ZC2HC1B: variants seen among roughly 807,000 people sequenced by gnomAD.
The protein encoded by ZC2HC1B is zinc finger C2HC-type containing 1B, also known as zinc finger C2HC domain-containing protein 1B.
In ZC2HC1B, 36 loss-of-function variants were observed where a neutral mutation model predicts 31.0. The observed-to-expected ratio is 1.16, with a 90% CI of 0.89 to 1.54. ZC2HC1B has a LOEUF of 1.54. Among genes scored for constraint, ZC2HC1B ranks in the 40% most tolerant of loss-of-function variants. The pLI, the probability that ZC2HC1B is intolerant of heterozygous loss-of-function variation, is 0.00. For missense variants in ZC2HC1B, 260 were observed against 268.6 expected (o/e 0.97, Z 0.22); for synonymous variants, 73 against 88.0 (o/e 0.83, Z 0.95).
intron 6 of ZC2HC1B, among the ~76,000 whole-genome samples, chr6:143,931,327 G>T (rs1445948029): frequency 6.6e-6 from 1 of 152,052 alleles, no homozygotes; most frequent in Non-Finnish European, 1.5e-5. Flanking sequence ...GAGATGTCAG[G>T]TACTGTTTTA....
intron 6 of ZC2HC1B, among the ~76,000 whole-genome samples, chr6:143,919,106 C>A (rs899257083): frequency 1.3e-5 from 2 of 151,460 alleles, no homozygotes; most frequent in Non-Finnish European, 2.9e-5. Context: ...CTATACTTTT[C>A]TTTTTCTTTG....
At chr6:143,906,588 C>A (rs1286325173) in intron 6 of ZC2HC1B, among the ~76,000 whole-genome samples, 5 of 151,982 alleles carry the variant, frequency 3.3e-5, no homozygotes, top group African/African-American at 9.7e-5. Context: ...GAACCACAGG[C>A]ACACACCACC....
intron 6 of ZC2HC1B, among the ~76,000 whole-genome samples, chr6:143,936,022 G>A (rs1778174314): frequency 6.6e-6 from 1 of 152,060 alleles, no homozygotes. Flanking sequence ...CTAGATAGCA[G>A]TTAGCCTCCT....
chr6:143,908,831 G>C lies in ZC2HC1B; in HGVS notation c.598+5679G>C, dbSNP rs1471196718. 6.6e-6 allele frequency among the ~76,000 whole-genome samples: 1 copy of C among 152,162 alleles called. No individual in the cohort carries two copies. Among genetic ancestry groups the C allele is most frequent in the African/African-American group, 2.4e-5 (1 of 41,436 alleles). ...GTACTATGTTCAATAGGAGTGGTGA[G>C]AGAGGGCCTCTTTGTCTTGTGCCAG... is the stretch of plus-strand genomic sequence containing the variant. On this transcript the variant is annotated intron_variant, in intron 6 of 7. Coordinates refer to ENST00000237275, the MANE Select transcript of ZC2HC1B (RefSeq NM_001013623.3). This position sits in a 1 kb window ranked among gnomAD's most constrained non-coding sequence, Gnocchi z 4.4.
In ZC2HC1B at chr6:143,886,249, G is replaced by A. The variant is rs1777529548; in HGVS notation, c.210+98G>A. ...GGTTTCATTTTTGCTTGATAATACA[G>A]TAATGTAATGTAACTGTAATCCACC... On this transcript the variant is annotated intron_variant, in intron 3 of 7. Transcript: ENST00000237275. The surrounding 1 kb of genome is among the most constrained non-coding windows in gnomAD (Gnocchi z 4.2). 8.0e-7 allele frequency: 1 copy of A among 1,248,990 alleles called. No homozygotes were observed. 77.4% of individuals were successfully genotyped at this position (1,248,990 alleles called of 1,614,324 possible). A position where few individuals can be genotyped will look rare whatever the true frequency, so the allele number is the denominator to read the frequency against.
rs1265810447 is a variant in ZC2HC1B, at chr6:143,913,999, A to C, written c.598+10847A>C. Among the ~76,000 whole-genome samples, 1 of 151,894 alleles carries C rather than the reference A, an allele frequency of 6.6e-6. No individual in the cohort carries two copies. The highest frequency in any genetic ancestry group is 2.4e-5 in the African/African-American group (1 of 41,318). On this transcript the variant is annotated intron_variant, in intron 6 of 7. Transcript: ENST00000237275. The surrounding 1 kb of genome is among the most constrained non-coding windows in gnomAD (Gnocchi z 5.7). The stretch of plus-strand genomic sequence containing the variant: ...AATCGGCCATCTTGGCCCCTCTCCC[A>C]ATGGTTTTTCAATTTATTGATTCTT...
Position 143,918,610 on chromosome 6 carries a change from A to G in ZC2HC1B, c.598+15458A>G, listed in dbSNP as rs1777947609. 1.3e-5 allele frequency among the ~76,000 whole-genome samples: 2 copies of G among 152,096 alleles called. No homozygotes were observed. The highest frequency in any genetic ancestry group is 4.1e-4 in the South Asian group (2 of 4,822). ...TGTTTATAGTCATGTCTTTTGTTAA[A>G]TCTGGCAAGTTTTCAGCCATTATTT... On this transcript the variant is annotated intron_variant, in intron 6 of 7. Transcript: ENST00000237275. This position sits in a 1 kb window ranked among gnomAD's most constrained non-coding sequence, Gnocchi z 4.1.
At chr6:143,879,736 A>G (rs1186419328) in intron 1 of ZC2HC1B, among the ~76,000 whole-genome samples, 1 of 150,192 alleles carries the variant, frequency 6.7e-6, no homozygotes, top group South Asian at 2.1e-4. Context: ...AACTTTTTCA[A>G]TTTTAATCTA....
Position 143,937,713 on chromosome 6 carries a change from A to T in ZC2HC1B, c.663A>T (p.Lys221Asn), listed in dbSNP as rs1778195037. 6.4e-7 allele frequency: 1 copy of T among 1,550,882 alleles called. No homozygotes were observed. The highest frequency in any genetic ancestry group is 1.2e-5 in the South Asian group (1 of 83,858). ...AAGGATTTAGTAAATCTTCTAAAAA[A>T]GATTAACTCCTAGAAGCCAGGTAAG... ...LRQGFSKSSKKD is the reference protein window; with the variant it reads ...LRQGFSKSSKND The change falls in exon 7 of 8, where the codon AAA becomes AAT. Residue 221 changes from lysine (K) to asparagine (N), a missense_variant. Transcript: ENST00000237275.
intron 1 of ZC2HC1B, among the ~76,000 whole-genome samples, chr6:143,876,229 G>T (rs1358265604): frequency 6.6e-6 from 1 of 150,456 alleles, no homozygotes; most frequent in Non-Finnish European, 1.5e-5. Flanking sequence ...TAAAATCCCT[G>T]AATTCATCAT....
Position 143,937,666 on chromosome 6 carries a change from G to C in ZC2HC1B, c.616G>C (p.Ala206Pro). 2 of 1,551,116 alleles carry C rather than the reference G, an allele frequency of 1.3e-6. No homozygotes were observed. Among genetic ancestry groups the C allele is most frequent in the East Asian group, 4.9e-5 (2 of 40,894 alleles). The change falls in exon 7 of 8, where the codon GCT becomes CCT. Residue 206 changes from alanine (A) to proline (P), a missense_variant. Ala to Pro is a conservative substitution (Grantham distance 27). Transcript: ENST00000237275. ...PTKSGLAMDP[A>P]SGAKLRQGFS... ...TTGCAAAGGATTAGCTATGGACCCT[G>C]CTTCTGGAGCAAAACTCAGACAAGG...
At chr6:143,893,672 G>T (rs1777628165) in intron 4 of ZC2HC1B, among the ~76,000 whole-genome samples, 1 of 152,008 alleles carries the variant, frequency 6.6e-6, no homozygotes, top group Non-Finnish European at 1.5e-5. Flanking sequence ...CAACCATTTT[G>T]CACTGGTATT....
chr6:143,893,844 A>C (rs954282653), intron 4 of ZC2HC1B, among the ~76,000 whole-genome samples: 2 of 151,480 alleles, frequency 1.3e-5, no homozygotes, highest in Non-Finnish European at 2.9e-5. Context: ...CCACCACCAC[A>C]CCCAGCTAAT....
rs1237861321 is a variant in ZC2HC1B at position 143,895,101 on chromosome 6, A to G, written c.350-3451A>G. Among the ~76,000 whole-genome samples the G allele has an allele frequency of 6.6e-6, 1 of 152,220 alleles. No individual in the cohort carries two copies. Among genetic ancestry groups the G allele is most frequent in the Non-Finnish European group, 1.5e-5 (1 of 68,046 alleles). On this transcript the variant is annotated intron_variant, in intron 4 of 7. Coordinates refer to ENST00000237275, the MANE Select transcript of ZC2HC1B (RefSeq NM_001013623.3). This position sits in a 1 kb window ranked among gnomAD's most constrained non-coding sequence, Gnocchi z 4.8. The stretch of plus-strand genomic sequence containing the variant: ...CACGGTTTGATGATTTTGTTTGTGC[A>G]AGGATTTTATATTAGCCCAGAATTC...
In ZC2HC1B at chr6:143,921,118, C is replaced by T. The variant is rs1443577847; in HGVS notation, c.599-16531C>T. Among the ~76,000 whole-genome samples, 2 of 152,050 alleles carry T rather than the reference C, an allele frequency of 1.3e-5. No homozygotes were observed. Among genetic ancestry groups the T allele is most frequent in the African/African-American group, 4.8e-5 (2 of 41,392 alleles). ...TCTCATGACCTTTGTACTGGCTGCC[C>T]CCTCTGCTGAAAACAAAAACACTCT... On this transcript the variant is annotated intron_variant, in intron 6 of 7. Coordinates refer to ENST00000237275, the MANE Select transcript of ZC2HC1B (RefSeq NM_001013623.3). This position sits in a 1 kb window ranked among gnomAD's most constrained non-coding sequence, Gnocchi z 6.1.
intron 6 of ZC2HC1B, among the ~76,000 whole-genome samples, chr6:143,935,369 A>T (rs759174736): frequency 6.6e-6 from 1 of 152,016 alleles, no homozygotes; most frequent in Non-Finnish European, 1.5e-5. Flanking sequence ...GGGCACAAGC[A>T]CAGGCTGTGA....
chr6:143,889,291 A>G (rs1288861578), intron 4 of ZC2HC1B, among the ~76,000 whole-genome samples: 1 of 152,050 alleles, frequency 6.6e-6, no homozygotes, highest in Non-Finnish European at 1.5e-5. Flanking sequence ...AGGGGGAAAA[A>G]GGCACAAAGA....
In ZC2HC1B at chr6:143,934,447, A is replaced by T. The variant is rs1303569496; in HGVS notation, c.599-3202A>T. Among the ~76,000 whole-genome samples, 2 of 152,156 alleles carry T rather than the reference A, an allele frequency of 1.3e-5. No individual in the cohort carries two copies. The highest frequency in any genetic ancestry group is 3.9e-4 in the East Asian group (2 of 5,182). On this transcript the variant is annotated intron_variant, in intron 6 of 7. Coordinates refer to ENST00000237275, the MANE Select transcript of ZC2HC1B (RefSeq NM_001013623.3). The surrounding 1 kb of genome is among the most constrained non-coding windows in gnomAD (Gnocchi z 4.6). Reference sequence around the variant, plus strand: ...TTTTGAATTCCTTTTCTGGCATTTCATCAATTTTTTTGTTGCAATCTGTTG... The same window carrying T: ...TTTTGAATTCCTTTTCTGGCATTTCTTCAATTTTTTTGTTGCAATCTGTTG...
chr6:143,869,844 C>T lies in ZC2HC1B; in HGVS notation c.28+5277C>T, dbSNP rs550671793. On this transcript the variant is annotated intron_variant, in intron 1 of 7. Transcript: ENST00000237275. The surrounding 1 kb of genome is among the most constrained non-coding windows in gnomAD (Gnocchi z 5.2). ...CTGAGTCCATGCATAACCTTCATTC[C>T]TGCCACCATGGCCACTTTGTTCATG... is the stretch of plus-strand genomic sequence containing the variant. 6.6e-6 allele frequency among the ~76,000 whole-genome samples: 1 copy of T among 152,204 alleles called. No individual in the cohort carries two copies. Among genetic ancestry groups the T allele is most frequent in the African/African-American group, 2.4e-5 (1 of 41,446 alleles).
Sources: allele counts gnomAD v4.1 joint callset (sites outside exome capture counted in the v4.1 genomes callset), GRCh38; gene constraint gnomAD v4.1.1; non-coding constraint Gnocchi (gnomAD v3.1); transcripts MANE v1.5; gene names NCBI Gene and HGNC (gene_info 2026-07-23, HGNC 2026-07-21).